Variants in SNTG1 observed in about 807,000 individuals in gnomAD.
The protein encoded by SNTG1 is gamma-1-syntrophin.
Under a neutral mutation model 74.7 loss-of-function variants are expected in SNTG1, and 39 were observed. The observed-to-expected ratio is 0.52, with a 90% confidence interval of 0.40 to 0.68. SNTG1 has a LOEUF of 0.68. SNTG1 is among the 30% of genes least tolerant of loss of function. The probability of loss-of-function intolerance (pLI) is 0.00; values close to 1 mark genes in which losing one functional copy is unlikely to be tolerated. For synonymous variants in SNTG1, 254 were observed against 217.1 expected, an observed-to-expected ratio of 1.17 and a Z score of -1.49; for missense variants, 685 against 609.5, an observed-to-expected ratio of 1.12 and a Z score of -1.30.
Position 50,296,937 on chromosome 8 carries a change from A to G in SNTG1, c.-27-97275A>G, listed in dbSNP as rs117302127. 1.0e-3 allele frequency among the ~76,000 whole-genome samples: 158 copies of G among 152,294 alleles called. 2 individuals carry two copies. In the East Asian group the frequency reaches 0.029, roughly 28 times the overall value. ...CCTAAATATTTGTCCCACATAGCTC[A>G]TAAATCCATCTGGAGATTTGTTGTT... On this transcript the variant is annotated intron_variant, in intron 2 of 18. Transcript: ENST00000642720.
intron 2 of SNTG1, 92 bp downstream of exon 2, chr8:50,172,727 C>A (rs2082851721): frequency 1.4e-5 from 2 of 146,326 alleles, no homozygotes; most frequent in South Asian, 4.5e-4. Flanking sequence ...CAATTGTTTT[C>A]TTTGATATTA....
chr8:50,232,646 C>T (rs1373503257), intron 2 of SNTG1, among the ~76,000 whole-genome samples: 1 of 151,324 alleles, frequency 6.6e-6, no homozygotes, highest in Admixed American at 6.6e-5. Context: ...AATATTGTCC[C>T]TATTTGTAGA....
chr8:50,016,176 T>C (rs1030364204), intron 1 of SNTG1, among the ~76,000 whole-genome samples: 1 of 152,088 alleles, frequency 6.6e-6, no homozygotes, highest in Non-Finnish European at 1.5e-5. Flanking sequence ...GGGGAGTGCT[T>C]TGAAGCTTCT....
intron 2 of SNTG1, among the ~76,000 whole-genome samples, chr8:50,277,762 C>T (rs988804466): frequency 6.6e-6 from 1 of 152,138 alleles, no homozygotes; most frequent in African/African-American, 2.4e-5. Flanking sequence ...TAGGAAGACA[C>T]CTAATCAGGA....
At chr8:50,154,477 G>C (rs1044524913) in intron 1 of SNTG1, among the ~76,000 whole-genome samples, 1 of 152,110 alleles carries the variant, frequency 6.6e-6, no homozygotes, top group South Asian at 2.1e-4. Context: ...GATGAACCGG[G>C]TACCTCAGTT....
At chr8:50,452,288 A>G (rs558354315) in intron 8 of SNTG1, among the ~76,000 whole-genome samples, 1 of 152,348 alleles carries the variant, frequency 6.6e-6, no homozygotes, top group South Asian at 2.1e-4. Flanking sequence ...AATATGTGCA[A>G]AAAAACTAAT....
intron 2 of SNTG1, among the ~76,000 whole-genome samples, chr8:50,264,585 A>AG (rs1330082470): frequency 2.0e-5 from 3 of 151,736 alleles, no homozygotes; most frequent in East Asian, 3.9e-4. Context: ...AAAAAAAAAA[A>AG]GAAGAAAGAA....
rs886637209 is a variant in SNTG1, at chr8:50,427,426, CT to C, written c.163-11110del. Among the ~76,000 whole-genome samples the C allele has an allele frequency of 2.6e-5, 4 of 152,124 alleles. No homozygotes were observed. The South Asian group carries it at 6.2e-4, about 24-fold the overall frequency. On this transcript the variant is annotated intron_variant, in intron 4 of 18. Transcript: ENST00000642720. ...AAATATTCAAATATGTATATATACACTTTTTTTATTTTTAATTTTTTGAGTC... is the reference window on the plus strand; with the variant it reads ...AAATATTCAAATATGTATATATACACTTTTTTATTTTTAATTTTTTGAGTC...
intron 18 of SNTG1, among the ~76,000 whole-genome samples, chr8:50,778,709 T>G (rs1301221130): frequency 4.1e-4 from 60 of 145,976 alleles, no homozygotes; most frequent in Non-Finnish European, 1.8e-4. Context: ...TTAGTTTAAT[T>G]AGATCCCATT....
chr8:50,569,773 A>C (rs142970654), intron 12 of SNTG1, among the ~76,000 whole-genome samples: 2 of 152,214 alleles, frequency 1.3e-5, no homozygotes, highest in Non-Finnish European at 2.9e-5. Flanking sequence ...TGAGTCCTAA[A>C]GTCTACTTTT....
chr8:50,519,335 A>G (rs1585553751), intron 9 of SNTG1, among the ~76,000 whole-genome samples: 1 of 152,222 alleles, frequency 6.6e-6, no homozygotes, highest in African/African-American at 2.4e-5. Context: ...TGACAAACCC[A>G]CAGCCAATAT....
Position 50,795,803 on chromosome 8 carries a change from A to C in SNTG1, c.*2974A>C, listed in dbSNP as rs1195800678. ...ATTTATAATTTGTTAAAATGCAACAAGTATTTATTTAAAAAATAGTTTAAT... is the reference window on the plus strand; with the variant it reads ...ATTTATAATTTGTTAAAATGCAACACGTATTTATTTAAAAAATAGTTTAAT... On this transcript the variant is annotated 3_prime_UTR_variant, in exon 19 of 19. Transcript: ENST00000642720. 2.6e-5 allele frequency: 4 copies of C among 152,114 alleles called. No individual in the cohort carries two copies. Among genetic ancestry groups the C allele is most frequent in the Non-Finnish European group, 5.9e-5 (4 of 67,986 alleles). The allele number at this position is 152,114 out of a possible 1,614,324, so 9.4% of individuals were successfully genotyped here. A position where few individuals can be genotyped will look rare whatever the true frequency, so the allele number is the denominator to read the frequency against.
chr8:50,040,730 T>C (rs1410429822), intron 1 of SNTG1, among the ~76,000 whole-genome samples: 2 of 152,164 alleles, frequency 1.3e-5, no homozygotes, highest in Admixed American at 1.3e-4. Context: ...AAAAAATACA[T>C]TGATGAGAAA....
chr8:50,742,836 A>T (rs941888041), intron 17 of SNTG1, among the ~76,000 whole-genome samples: 13 of 151,924 alleles, frequency 8.6e-5, no homozygotes, highest in Non-Finnish European at 7.4e-5. Flanking sequence ...AGAAAAAAAG[A>T]GAAGAGACAT....
chr8:50,418,407 A>G (rs1198677683), intron 4 of SNTG1, among the ~76,000 whole-genome samples: 2 of 152,076 alleles, frequency 1.3e-5, no homozygotes, highest in Non-Finnish European at 2.9e-5. Flanking sequence ...TCTAAGTCTC[A>G]GTCTTCACTG....
At chr8:50,695,325 TCAAA>T (rs1035888034) in intron 15 of SNTG1, among the ~76,000 whole-genome samples, 6 of 151,700 alleles carry the variant, frequency 4.0e-5, no homozygotes, top group African/African-American at 1.5e-4. Context: ...TTTAAAAAAA[TCAAA>T]CAATACCGTT....
intron 2 of SNTG1, among the ~76,000 whole-genome samples, chr8:50,381,315 T>C (rs1325975917): frequency 6.6e-6 from 1 of 151,878 alleles, no homozygotes; most frequent in African/African-American, 2.4e-5. Context: ...ATTTATAAAC[T>C]ATGTAATTGT....
At chr8:50,114,119 A>T (rs956090854) in intron 1 of SNTG1, among the ~76,000 whole-genome samples, 10 of 152,146 alleles carry the variant, frequency 6.6e-5, no homozygotes, top group African/African-American at 1.9e-4. Flanking sequence ...AAATAATGTG[A>T]ATAATACTAT....
At chr8:50,123,099 A>C (rs929033382) in intron 1 of SNTG1, among the ~76,000 whole-genome samples, 1 of 142,076 alleles carries the variant, frequency 7.0e-6, no homozygotes, top group African/African-American at 2.6e-5. Flanking sequence ...TCTTAGATGC[A>C]TTTGAGACAT....
Sources: allele counts gnomAD v4.1 joint callset (sites outside exome capture counted in the v4.1 genomes callset), GRCh38; gene constraint gnomAD v4.1.1; transcripts MANE v1.5; gene names NCBI Gene and HGNC (gene_info 2026-07-23, HGNC 2026-07-21).